Variants in ZDHHC16 observed in about 807,000 individuals in gnomAD.
The protein encoded by ZDHHC16 is palmitoyltransferase ZDHHC16.
ZDHHC16 carries 33 observed loss-of-function variants against 54.4 expected under a neutral mutation model. That is an observed-to-expected ratio of 0.61 (90% CI 0.46 to 0.81). The LOEUF (loss-of-function observed/expected upper bound fraction) is 0.81, where lower values mean the gene tolerates loss of function less well. ZDHHC16 is among the 30% of genes least tolerant of loss of function. ZDHHC16 has a pLI of 0.00. For missense variants in ZDHHC16, 420 were observed against 485.9 expected (o/e 0.86, Z 1.28); for synonymous variants, 185 against 182.1 (o/e 1.02, Z -0.13).
At chr10:97,453,391 C>A in intron 6 of ZDHHC16, 139 bp from the exon 7 acceptor site, 1 of 1,228,550 alleles carries the variant, frequency 8.1e-7, no homozygotes, top group Non-Finnish European at 1.1e-6. Flanking sequence ...CTTGTATTTT[C>A]TTGCCTTTGG....
intron 6 of ZDHHC16, 151 bp from the exon 7 acceptor site, chr10:97,453,379 G>C: frequency 9.0e-7 from 1 of 1,116,200 alleles, no homozygotes; most frequent in Non-Finnish European, 1.3e-6. Context: ...GGTGTGAACA[G>C]TCTTGTATTT....
At chr10:97,454,673 C>T (rs1846991802) in intron 8 of ZDHHC16, 41 bp from the exon 9 acceptor site, 1 of 1,579,686 alleles carries the variant, frequency 6.3e-7, no homozygotes, top group African/African-American at 1.3e-5. Flanking sequence ...GCTGGAGACC[C>T]ACAGAGCAAA....
chr10:97,456,925 T>C lies in ZDHHC16; in HGVS notation c.*34T>C. The stretch of plus-strand genomic sequence containing the variant: ...GTGTCAGCCACGACTCGAGCACTCA[T>C]TCTGCTCCCTATGTTATTTCAAGGG... On this transcript the variant is annotated 3_prime_UTR_variant, in exon 12 of 12. Coordinates refer to ENST00000393760, the MANE Select transcript of ZDHHC16 (RefSeq NM_198046.3). The C allele has an allele frequency of 6.5e-7, 1 of 1,528,168 alleles. No homozygotes were observed. The highest frequency in any genetic ancestry group is 8.9e-7 in the Non-Finnish European group (1 of 1,123,830). 94.7% of individuals were successfully genotyped at this position (1,528,168 alleles called of 1,614,324 possible).
chr10:97,452,392 C>T (rs763832591), intron 4 of ZDHHC16, 23 bp from the exon 5 acceptor site: 14 of 1,613,112 alleles, frequency 8.7e-6, no homozygotes, highest in Admixed American at 5.0e-5. Flanking sequence ...GGTGCTGCCA[C>T]GTTATGCTCT....
chr10:97,452,051 T>C, intron 3 of ZDHHC16, 39 bp from the exon 4 acceptor site: 2 of 1,613,072 alleles, frequency 1.2e-6, no homozygotes, highest in Non-Finnish European at 1.7e-6. Flanking sequence ...TGGGCATAGC[T>C]CTTGCGCCAT....
chr10:97,448,989 A>G (rs1846352069), intron 1 of ZDHHC16, among the ~76,000 whole-genome samples: 1 of 152,180 alleles, frequency 6.6e-6, no homozygotes, highest in Non-Finnish European at 1.5e-5. Context: ...ACAGAATCAT[A>G]AAAGGTTAGA....
intron 11 of ZDHHC16, 47 bp downstream of exon 11, chr10:97,456,091 T>A: frequency 6.3e-7 from 1 of 1,593,708 alleles, no homozygotes; most frequent in Non-Finnish European, 8.6e-7. Flanking sequence ...AACACTGTGA[T>A]GAGAAAGATG....
chr10:97,454,758 G>A lies in ZDHHC16; in HGVS notation c.783G>A (p.Arg261=), dbSNP rs1374795374. 6.2e-7 allele frequency: 1 copy of A among 1,614,034 alleles called. No homozygotes were observed. Among genetic ancestry groups the A allele is most frequent in the Non-Finnish European group, 8.5e-7 (1 of 1,180,034 alleles). ...TPPPTFSFRE[R]MTHKSLVYLW... Reference sequence around the variant, plus strand: ...CACCCACCTTCTCCTTTCGAGAAAGGATGACTCACAAGAGTCTTGTCTACC... The same window carrying A: ...CACCCACCTTCTCCTTTCGAGAAAGAATGACTCACAAGAGTCTTGTCTACC... Residue 261 remains arginine, a synonymous_variant, in exon 9 of 12, where the codon AGG becomes AGA. Coordinates refer to ENST00000393760, the MANE Select transcript of ZDHHC16 (RefSeq NM_198046.3).
chr10:97,453,680 C>T lies in ZDHHC16; in HGVS notation c.690+17C>T. The T allele has an allele frequency of 6.2e-7, 1 of 1,614,156 alleles. No individual in the cohort carries two copies. Among genetic ancestry groups the T allele is most frequent in the African/African-American group, 1.3e-5 (1 of 75,036 alleles). ...GCCATTGAGGTGAGCTCATCAGGAACAGGGCAGCTCAGTAGTGCAGAACTT... is the reference window on the plus strand; with the variant it reads ...GCCATTGAGGTGAGCTCATCAGGAATAGGGCAGCTCAGTAGTGCAGAACTT... On this transcript the variant is annotated intron_variant, in intron 7 of 11. Transcript: ENST00000393760.
chr10:97,452,635 C>G (rs553191610), intron 5 of ZDHHC16, 132 bp downstream of exon 5: 17 of 1,052,370 alleles, frequency 1.6e-5, no homozygotes, highest in Non-Finnish European at 2.3e-5. Flanking sequence ...CCCTCTTCTC[C>G]TGACACCTCA....
At position 97,453,545 on chromosome 10, in the gene ZDHHC16, G is replaced by A. The variant is rs555529772; in HGVS notation, c.572G>A (p.Cys191Tyr). Reference protein sequence around the residue: ...MDHHCPWLNNCVGHYNHRYFF... With the variant: ...MDHHCPWLNNYVGHYNHRYFF... ...TCCCAACCAGCCTGGCTAAACAATT[G>A]TGTGGGCCACTATAACCATCGGTAC... The change falls in exon 7 of 12, where the codon TGT (cysteine) becomes TAT (tyrosine). Residue 191 changes from cysteine (C) to tyrosine (Y), a missense_variant. Physicochemically the swap from Cys to Tyr is radical, Grantham distance 194. Coordinates refer to ENST00000393760, the MANE Select transcript of ZDHHC16 (RefSeq NM_198046.3). 2 of 1,614,104 alleles carry A rather than the reference G, an allele frequency of 1.2e-6. No homozygotes were observed. Among genetic ancestry groups the A allele is most frequent in the South Asian group, 1.1e-5 (1 of 91,082 alleles).
At chr10:97,448,670 A>G (rs1213438674) in intron 1 of ZDHHC16, among the ~76,000 whole-genome samples, 1 of 152,184 alleles carries the variant, frequency 6.6e-6, no homozygotes, top group African/African-American at 2.4e-5. Context: ...GGCAGGGAGA[A>G]TTGCTTGAAC....
At chr10:97,452,827 G>C (rs541438742) in intron 5 of ZDHHC16, 68 bp from the exon 6 acceptor site, 1 of 1,604,898 alleles carries the variant, frequency 6.2e-7, no homozygotes, top group South Asian at 1.1e-5. Flanking sequence ...GTCCTTGTAG[G>C]GAAGGATTGG....
chr10:97,456,058 C>T lies in ZDHHC16; in HGVS notation c.1019+14C>T, dbSNP rs368987330. On this transcript the variant is annotated intron_variant, in intron 11 of 11. Transcript: ENST00000393760. ...GGATACAGGAAGGTAATGTAAGACA[C>T]ACAGACTAATGCTGTCCAACAGAAC... 5.6e-6 allele frequency: 9 copies of T among 1,613,398 alleles called. No individual in the cohort carries two copies. Among genetic ancestry groups the T allele is most frequent in the East Asian group, 2.2e-5 (1 of 44,898 alleles).
chr10:97,456,275 C>T (rs796847067), intron 11 of ZDHHC16: 14 of 513,436 alleles, frequency 2.7e-5, no homozygotes, highest in African/African-American at 2.7e-4. Context: ...CCTAGGAAAG[C>T]TGTGCTCAGG....
Position 97,451,904 on chromosome 10 carries a change from C to T in ZDHHC16, c.229C>T (p.Arg77Cys), listed in dbSNP as rs779588151. 1.9e-5 allele frequency: 30 copies of T among 1,611,610 alleles called. No homozygotes were observed. Among genetic ancestry groups the T allele is most frequent in the African/African-American group, 2.7e-5 (2 of 74,910 alleles). ...PVYWLVDNVI[R>C]WFGVVFVVLV... is the part of the protein sequence containing the mutation. The stretch of plus-strand genomic sequence containing the variant: ...CTACTGGCTGGTAGACAACGTGATC[C>T]GCTGGTTTGGAGTGGTGAGTGATGT... Residue 77 changes from arginine to cysteine, a missense_variant, in exon 3 of 12, where the codon CGC becomes TGC. By Grantham distance (180) the Arg-to-Cys change is radical. Transcript: ENST00000393760.
In ZDHHC16 at chr10:97,452,440, C is replaced by T; in HGVS notation, c.464C>T (p.Ser155Phe). Reference sequence around the variant, plus strand: ...GGCAGGAATGATATCGCCACCGTCTCCATCTGTAAGAAGTGCATTTACCCC... The same window carrying T: ...GGCAGGAATGATATCGCCACCGTCTTCATCTGTAAGAAGTGCATTTACCCC... ...PQGRNDIATV[S>F]ICKKCIYPKP... The change falls in exon 5 of 12, where the codon TCC becomes TTC. Residue 155 changes from serine to phenylalanine, a missense_variant. Physicochemically the swap from Ser to Phe is radical, Grantham distance 155. Transcript: ENST00000393760. 6.2e-7 allele frequency: 1 copy of T among 1,614,198 alleles called. No individual in the cohort carries two copies. Among genetic ancestry groups the T allele is most frequent in the Non-Finnish European group, 8.5e-7 (1 of 1,180,032 alleles).
rs1847117072 is a variant in ZDHHC16, at chr10:97,455,773, C to A, written c.938C>A (p.Ala313Asp). The A allele has an allele frequency of 6.2e-7, 1 of 1,613,940 alleles. No homozygotes were observed. The highest frequency in any genetic ancestry group is 1.3e-5 in the African/African-American group (1 of 74,908). ...AAGAAGGAGAGACGTCGGCTACAGG[C>A]CAAGGGCAGAGTGAGTAGGGTTGAA... ...INKKERRRLQ[A>D]KGRVFRNPYN... The change falls in exon 10 of 12, where the codon GCC becomes GAC. Residue 313 changes from alanine (A) to aspartate (D), a missense_variant. Ala to Asp is a moderately radical substitution (Grantham distance 126). Transcript: ENST00000393760.
rs745588216 is a variant in ZDHHC16 at position 97,451,816 on chromosome 10, C to T, written c.141C>T (p.Arg47=). ...GGCGCTACGGCAAGGTCTGCCTGCG[C>T]TCCCTGCTCTACAACTCCTTTGGGG... ...QRWRYGKVCL[R]SLLYNSFGGS... The change falls in exon 3 of 12, where the codon CGC becomes CGT. Residue 47 remains arginine, a synonymous_variant. Transcript: ENST00000393760. The T allele has an allele frequency of 1.2e-6, 2 of 1,614,224 alleles. No homozygotes were observed. Among genetic ancestry groups the T allele is most frequent in the Non-Finnish European group, 1.7e-6 (2 of 1,180,050 alleles).
Sources: allele counts gnomAD v4.1 joint callset (sites outside exome capture counted in the v4.1 genomes callset), GRCh38; gene constraint gnomAD v4.1.1; transcripts MANE v1.5; gene names NCBI Gene and HGNC (gene_info 2026-07-23, HGNC 2026-07-21).